SPRTN: variants seen among roughly 807,000 people sequenced by gnomAD.
The protein encoded by SPRTN is DNA-dependent metalloprotease SPRTN.
Under a neutral mutation model 31.9 loss-of-function variants are expected in SPRTN, and 11 were observed. The observed-to-expected ratio is 0.34, with a 90% confidence interval of 0.22 to 0.57. The LOEUF is 0.57. SPRTN is among the 20% of genes least tolerant of loss of function. SPRTN has a pLI of 0.86. For synonymous variants in SPRTN, 185 were observed against 212.1 expected (o/e 0.87, Z 1.11); for missense variants, 482 against 590.1 (o/e 0.82, Z 1.90).
Position 231,347,911 on chromosome 1 carries a change from G to T in SPRTN, c.436G>T (p.Gly146Ter). 1 of 1,613,178 alleles carries T rather than the reference G, an allele frequency of 6.2e-7. No individual in the cohort carries two copies. The highest frequency in any genetic ancestry group is 8.5e-7 in the Non-Finnish European group (1 of 1,179,824). The change falls in exon 3 of 5, where the codon GGA becomes TGA. Residue 146 changes from glycine (G) to a stop codon, truncating the protein, a stop_gained. Transcript: ENST00000295050. LOFTEE classifies it high-confidence loss of function. Reference protein sequence around the residue: ...KHMHRINSLTGANITVYHTFH... With the variant: ...KHMHRINSLT The stretch of plus-strand genomic sequence containing the variant: ...TATGCATCGCATCAACAGCCTGACT[G>T]GAGCCAATATAACGGTATAGAAAGC...
At chr1:231,342,791 A>C (rs1305594435) in intron 2 of SPRTN, among the ~76,000 whole-genome samples, 1 of 150,764 alleles carries the variant, frequency 6.6e-6, no homozygotes, top group Non-Finnish European at 1.5e-5. Flanking sequence ...GCTGGAGTAC[A>C]GTGGCGCATC....
rs1333504691 is a variant in SPRTN at position 231,352,685 on chromosome 1, A to G, written c.794A>G (p.Asn265Ser). ...GGATATGTTCTAGGAGAAACAAGCA[A>G]TTTACCTTCACCTGGGAAACTGATC... ...GKGYVLGETS[N>S]LPSPGKLITS... Residue 265 changes from asparagine to serine, a missense_variant, in exon 5 of 5, where the codon AAT (asparagine) becomes AGT (serine). Around this residue, in one of 2 missense-constraint regions of SPRTN, gnomAD observed 325 missense variants for 350.2 expected, o/e 0.93. Coordinates refer to ENST00000295050, the MANE Select transcript of SPRTN (RefSeq NM_032018.7). The G allele has an allele frequency of 1.9e-6, 3 of 1,613,938 alleles. No individual in the cohort carries two copies. In the South Asian group the frequency reaches 3.3e-5, roughly 18 times the overall value.
At chr1:231,348,855 C>T (rs2102870844) in intron 3 of SPRTN, among the ~76,000 whole-genome samples, 1 of 152,276 alleles carries the variant, frequency 6.6e-6, no homozygotes, top group East Asian at 1.9e-4. Context: ...GTATAATGTA[C>T]TGAATTGAAT....
chr1:231,353,088 G>C lies in SPRTN; in HGVS notation c.1197G>C (p.Gly399=). 1 of 1,614,040 alleles carries C rather than the reference G, an allele frequency of 6.2e-7. No homozygotes were observed. Among genetic ancestry groups the C allele is most frequent in the Non-Finnish European group, 8.5e-7 (1 of 1,179,976 alleles). The change falls in exon 5 of 5, where the codon GGG becomes GGC. Residue 399 remains glycine, a synonymous_variant. Coordinates refer to ENST00000295050, the MANE Select transcript of SPRTN (RefSeq NM_032018.7). The part of the protein sequence containing the change: ...ASVMPSQDVS[G]SEDTFPNKRP... ...TGATGCCATCCCAGGATGTGAGTGG[G>C]TCTGAAGATACATTCCCAAATAAAC...
chr1:231,343,579 C>T, intron 2 of SPRTN, among the ~76,000 whole-genome samples: 1 of 152,114 alleles, frequency 6.6e-6, no homozygotes, highest in East Asian at 1.9e-4. Context: ...TCCTGCTGCT[C>T]ACTATTGAGC....
intron 2 of SPRTN, among the ~76,000 whole-genome samples, chr1:231,345,135 CTTTG>C (rs1353197407): frequency 1.3e-5 from 2 of 148,902 alleles, no homozygotes; most frequent in East Asian, 2.0e-4. Context: ...TTCTTTCTTT[CTTTG>C]TTTCTTTCTT....
chr1:231,339,580 C>A, intron 1 of SPRTN, 189 bp from the exon 2 acceptor site: 1 of 754,126 alleles, frequency 1.3e-6, no homozygotes. Flanking sequence ...GGGATCGGAG[C>A]CATCGCGGGA....
rs1687330445 is a variant in SPRTN, at chr1:231,354,314, TTGCTTTTTGTCTTGTGGCTGTACA to T, written c.*958_*981del. 1.0e-6 allele frequency: 1 copy of T among 983,300 alleles called. No homozygotes were observed. Among genetic ancestry groups the T allele is most frequent in the Admixed American group, 6.1e-5 (1 of 16,270 alleles). 60.9% of individuals were successfully genotyped at this position (983,300 alleles called of 1,614,324 possible). A position where few individuals can be genotyped will look rare whatever the true frequency, so the allele number is the denominator to read the frequency against. Reference sequence around the variant, plus strand: ...AAAGGACAAAGAGACTTTTATCAGTTTGCTTTTTGTCTTGTGGCTGTACATGCTGTTGGCATAGCCCTAACACAG... The same window carrying T: ...AAAGGACAAAGAGACTTTTATCAGTTTGCTGTTGGCATAGCCCTAACACAG... On this transcript the variant is annotated 3_prime_UTR_variant, in exon 5 of 5. Coordinates refer to ENST00000295050, the MANE Select transcript of SPRTN (RefSeq NM_032018.7).
intron 2 of SPRTN, among the ~76,000 whole-genome samples, chr1:231,346,745 C>G (rs112327365): frequency 0.011 from 1,605 of 152,136 alleles, 28 homozygotes; most frequent in African/African-American, 0.037. Flanking sequence ...GAGTTTAAGA[C>G]CATCCTTGCC....
At chr1:231,339,993 G>T in intron 2 of SPRTN, 125 bp downstream of exon 2, 2 of 685,460 alleles carry the variant, frequency 2.9e-6, no homozygotes, top group Non-Finnish European at 2.5e-6. Context: ...GTGAAAGCTT[G>T]AATTATGGGG....
intron 2 of SPRTN, chr1:231,340,092 C>G: frequency 5.2e-6 from 2 of 387,318 alleles, no homozygotes; most frequent in East Asian, 5.5e-5. Context: ...GCCGGGCACG[C>G]TGGCTCACGC....
At chr1:231,340,058 A>AAAC in intron 2 of SPRTN, 190 bp downstream of exon 2, 1 of 502,054 alleles carries the variant, frequency 2.0e-6, no homozygotes. Flanking sequence ...AAAAAAAAAA[A>AAAC]AAACAAAAAA....
At chr1:231,344,928 G>A (rs1291369403) in intron 2 of SPRTN, among the ~76,000 whole-genome samples, 2 of 152,124 alleles carry the variant, frequency 1.3e-5, no homozygotes, top group East Asian at 3.9e-4. Context: ...ACACAAAGAT[G>A]TCTTGTTCAG....
intron 3 of SPRTN, among the ~76,000 whole-genome samples, chr1:231,350,237 T>C (rs920761353): frequency 2.0e-5 from 3 of 152,254 alleles, no homozygotes; most frequent in Non-Finnish European, 2.9e-5. Flanking sequence ...TATAGAGTTA[T>C]AGAAAGCTTA....
At chr1:231,348,199 T>C (rs1687119557) in intron 3 of SPRTN, among the ~76,000 whole-genome samples, 1 of 152,334 alleles carries the variant, frequency 6.6e-6, no homozygotes, top group South Asian at 2.1e-4. Flanking sequence ...GGAATCATCA[T>C]GATCTCTTAA....
intron 3 of SPRTN, among the ~76,000 whole-genome samples, chr1:231,349,150 T>A (rs1179090579): frequency 6.8e-6 from 1 of 147,906 alleles, no homozygotes; most frequent in Non-Finnish European, 1.5e-5. Context: ...TAAAAAAAAA[T>A]TTTTTTTTTT....
At chr1:231,343,273 A>C (rs1176603765) in intron 2 of SPRTN, among the ~76,000 whole-genome samples, 1 of 151,984 alleles carries the variant, frequency 6.6e-6, no homozygotes, top group Non-Finnish European at 1.5e-5. Flanking sequence ...CCTATAGCCT[A>C]GGTATATATA....
At chr1:231,343,403 A>G (rs1686961879) in intron 2 of SPRTN, among the ~76,000 whole-genome samples, 1 of 152,214 alleles carries the variant, frequency 6.6e-6, no homozygotes, top group Non-Finnish European at 1.5e-5. Flanking sequence ...GCACAATGAC[A>G]AAATTGCCTA....
At chr1:231,350,091 T>C (rs956756307) in intron 3 of SPRTN, among the ~76,000 whole-genome samples, 2 of 152,226 alleles carry the variant, frequency 1.3e-5, no homozygotes, top group African/African-American at 4.8e-5. Context: ...ATAGAGTGCG[T>C]GGTTTCCCGT....
Sources: gnomAD v4.1 joint callset for allele counts (sites outside exome capture counted in the v4.1 genomes callset) on GRCh38, gnomAD v4.1.1 for gene constraint, gnomAD v4.1.1 regional missense constraint, MANE v1.5 for transcripts, NCBI Gene and HGNC (gene_info 2026-07-23, HGNC 2026-07-21) for gene names.